The following DDHD1 variants were observed in gnomAD, a reference collection of about 807,000 sequenced individuals.
DDHD1 encodes the protein phospholipase DDHD1.
DDHD1 carries 49 observed loss-of-function variants against 96.4 expected under a neutral mutation model. The observed-to-expected ratio is 0.51, with a 90% CI of 0.40 to 0.64. The LOEUF (loss-of-function observed/expected upper bound fraction) is 0.64. Ranked by LOEUF, DDHD1 falls within the 30% of genes least tolerant of loss-of-function variation. The pLI is 0.00. For synonymous variants in DDHD1, 442 were observed against 446.5 expected (o/e 0.99, Z 0.13); for missense variants, 1,106 against 1,161.2 (o/e 0.95, Z 0.69).
At chr14:53,092,444 A>T (rs991783238) in intron 3 of DDHD1, 3 of 152,166 alleles carry the variant, frequency 2.0e-5, no homozygotes, top group Admixed American at 2.0e-4. Context: ...GGATATAAAA[A>T]TTTTATCAAA....
At chr14:53,138,637 A>G (rs1444561997) in intron 1 of DDHD1, among the ~76,000 whole-genome samples, 1 of 152,172 alleles carries the variant, frequency 6.6e-6, no homozygotes, top group African/African-American at 2.4e-5. Flanking sequence ...GCAACTAACT[A>G]ATAAGAAAAA....
chr14:53,072,780 C>T lies in DDHD1; in HGVS notation c.1397-77G>A, dbSNP rs1233041862. 1.9e-5 allele frequency: 17 copies of T among 874,452 alleles called. 1 individual carries two copies. The highest frequency in any genetic ancestry group is 2.5e-5 in the East Asian group (1 of 39,554). The allele number at this position is 874,452 out of a possible 1,614,324, so 54.2% of individuals were successfully genotyped here. A position where few individuals can be genotyped will look rare whatever the true frequency, so the allele number is the denominator to read the frequency against. ...AGGAAAGTAATAGTGAAGAAAATTA[C>T]GTTGCCTGAAATAGTAACTATTTAA... On this transcript the variant is annotated intron_variant, in intron 5 of 12. Transcript: ENST00000673822.
intron 6 of DDHD1, among the ~76,000 whole-genome samples, chr14:53,069,331 C>G (rs992639605): frequency 6.6e-6 from 1 of 152,144 alleles, no homozygotes; most frequent in Non-Finnish European, 1.5e-5. Context: ...GAAATACATG[C>G]ATGAACAGGC....
rs1891566430 is a variant in DDHD1 at position 53,152,937 on chromosome 14, C to T, written c.162G>A (p.Val54=). The part of the protein sequence containing the change: ...LPGGDPDDGD[V]PLALLRGEPG... Reference sequence around the variant, plus strand: ...GTTCCCCGCGCAGCAGGGCCAGGGGCACGTCGCCGTCGTCCGGGTCCCCGC... The same window carrying T: ...GTTCCCCGCGCAGCAGGGCCAGGGGTACGTCGCCGTCGTCCGGGTCCCCGC... Residue 54 remains valine, a synonymous_variant, in exon 1 of 13, where the codon GTG becomes GTA. Transcript: ENST00000673822. 6.2e-7 allele frequency: 1 copy of T among 1,600,478 alleles called. No homozygotes were observed. The highest frequency in any genetic ancestry group is 2.3e-5 in the East Asian group (1 of 43,780).
chr14:53,152,115 T>TAGGAA, intron 1 of DDHD1, 146 bp downstream of exon 1: 3 of 789,740 alleles, frequency 3.8e-6, no homozygotes, highest in South Asian at 2.5e-5. Flanking sequence ...CTGCCGACGC[T>TAGGAA]CCCTGCTCAA....
chr14:53,086,326 G>C (rs983681553), intron 4 of DDHD1, among the ~76,000 whole-genome samples: 5 of 152,118 alleles, frequency 3.3e-5, no homozygotes, highest in African/African-American at 7.2e-5. Context: ...TCCTCGAGAA[G>C]AGCAACTCCA....
At chr14:53,049,928 T>C (rs905363786) in intron 12 of DDHD1, among the ~76,000 whole-genome samples, 5 of 152,328 alleles carry the variant, frequency 3.3e-5, no homozygotes, top group Non-Finnish European at 7.4e-5. Context: ...ATCTGCTACA[T>C]TCCATGTGGA....
chr14:53,061,027 A>G (rs967953279), intron 8 of DDHD1, 99 bp downstream of exon 8: 6 of 1,071,110 alleles, frequency 5.6e-6, no homozygotes, highest in Non-Finnish European at 6.8e-6. Flanking sequence ...TTATTTTGAA[A>G]GAACAATAAA....
intron 4 of DDHD1, among the ~76,000 whole-genome samples, chr14:53,083,549 T>C (rs1329754558): frequency 6.6e-6 from 1 of 152,210 alleles, no homozygotes; most frequent in African/African-American, 2.4e-5. Flanking sequence ...AACTAATCAT[T>C]AGCAAGTTTG....
chr14:53,061,280 T>C, intron 7 of DDHD1, 79 bp from the exon 8 acceptor site: 1 of 1,284,146 alleles, frequency 7.8e-7, no homozygotes, highest in South Asian at 1.6e-5. Context: ...CTTACTAAAG[T>C]ATAAAGACGC....
chr14:53,124,837 T>C (rs190073292), intron 1 of DDHD1, among the ~76,000 whole-genome samples: 12 of 152,340 alleles, frequency 7.9e-5, no homozygotes, highest in South Asian at 2.1e-4. Flanking sequence ...ACAACAGTAA[T>C]TTATTATCTC....
intron 2 of DDHD1, chr14:53,103,222 T>G (rs559788646): frequency 1.9e-6 from 1 of 527,684 alleles, no homozygotes; most frequent in East Asian, 3.3e-5. Context: ...GTAGATTGTT[T>G]CAAATTAAAA....
At chr14:53,115,424 A>G (rs781206449) in intron 1 of DDHD1, among the ~76,000 whole-genome samples, 28 of 152,118 alleles carry the variant, frequency 1.8e-4, no homozygotes, top group Admixed American at 3.9e-4. Flanking sequence ...ACACATAATG[A>G]TCAGATTCTC....
At chr14:53,115,259 C>T in intron 1 of DDHD1, among the ~76,000 whole-genome samples, 1 of 152,122 alleles carries the variant, frequency 6.6e-6, no homozygotes, top group South Asian at 2.1e-4. Context: ...AACTGGTATA[C>T]CTGAAAGTGG....
In DDHD1 at chr14:53,152,812, G is replaced by C. The variant is rs778403027; in HGVS notation, c.287C>G (p.Ser96Trp). 4.3e-6 allele frequency: 7 copies of C among 1,611,122 alleles called. No individual in the cohort carries two copies. Among genetic ancestry groups the C allele is most frequent in the East Asian group, 2.2e-5 (1 of 44,684 alleles). The change falls in exon 1 of 13, where the codon TCG becomes TGG. Residue 96 changes from serine (S) to tryptophan (W), a missense_variant. Around this residue, in one of 2 missense-constraint regions of DDHD1, gnomAD observed 456 missense variants for 402.4 expected, o/e 1.13. Coordinates refer to ENST00000673822, the MANE Select transcript of DDHD1 (RefSeq NM_001160148.2). The stretch of plus-strand genomic sequence containing the variant: ...GCTGTAGTAGCGCAGCGAGGAGCCC[G>C]ACTCGGCGGAGCTGAAGTCATAGTT... ...DENYDFSSAE[S>W]GSSLRYYSEG... is the part of the protein sequence containing the mutation.
chr14:53,100,741 T>C (rs2139710473), intron 2 of DDHD1, among the ~76,000 whole-genome samples: 1 of 152,332 alleles, frequency 6.6e-6, no homozygotes, highest in Admixed American at 6.5e-5. Flanking sequence ...TTCTTTGATA[T>C]TCCCTAGAGC....
chr14:53,077,447 G>C (rs911322667), intron 4 of DDHD1, among the ~76,000 whole-genome samples: 3 of 152,134 alleles, frequency 2.0e-5, no homozygotes, highest in Non-Finnish European at 4.4e-5. Context: ...ATCTAGAAAA[G>C]GTAGGATAAA....
At chr14:53,127,403 G>T (rs28613164) in intron 1 of DDHD1, among the ~76,000 whole-genome samples, 4,704 of 152,276 alleles carry the variant, frequency 0.031, 238 homozygotes, top group African/African-American at 0.1. Flanking sequence ...TCTATAACAT[G>T]AAGATATTGT....
chr14:53,082,427 T>TGATCTCCA (rs1332826292), intron 4 of DDHD1, among the ~76,000 whole-genome samples: 1 of 148,822 alleles, frequency 6.7e-6, no homozygotes, highest in African/African-American at 2.5e-5. Context: ...TCATGAACAG[T>TGATCTCCA]GATCTCCAAG....
Sources: allele counts gnomAD v4.1 joint callset (sites outside exome capture counted in the v4.1 genomes callset), GRCh38; gene constraint gnomAD v4.1.1; regional missense constraint gnomAD v4.1.1; transcripts MANE v1.5; gene names NCBI Gene and HGNC (gene_info 2026-07-23, HGNC 2026-07-21).